RHCG: variants seen among roughly 807,000 people sequenced by gnomAD.
RHCG encodes ammonium transporter Rh type C.
Under a neutral mutation model 55.3 loss-of-function variants are expected in RHCG, and 39 were observed. That is an observed-to-expected ratio of 0.70 (90% CI 0.55 to 0.92). RHCG has a LOEUF of 0.92. Ranked by LOEUF, RHCG falls within the 40% of genes least tolerant of loss-of-function variation. RHCG has a pLI of 0.00. For missense variants in RHCG, 635 were observed against 627.9 expected (o/e 1.01, Z -0.12); for synonymous variants, 250 against 246.8 (o/e 1.01, Z -0.12).
At chr15:89,474,167 AAGAT>A (rs1213966136) in intron 9 of RHCG, among the ~76,000 whole-genome samples, 3 of 152,226 alleles carry the variant, frequency 2.0e-5, no homozygotes, top group East Asian at 1.9e-4. Context: ...GCAGAGAAAA[AAGAT>A]AGAAAGGAAA....
chr15:89,477,324 G>C lies in RHCG; in HGVS notation c.1113-118C>G. ...CTCAGCCTTCCCACCCACAACATGG[G>C]GACACCGGACATATCAGTTGGCCTC... On this transcript the variant is annotated intron_variant, in intron 7 of 10. Coordinates refer to ENST00000268122, the MANE Select transcript of RHCG (RefSeq NM_016321.3). This position sits in a 1 kb window ranked among gnomAD's most constrained non-coding sequence, Gnocchi z 4.5. 2.1e-6 allele frequency: 3 copies of C among 1,442,970 alleles called. No individual in the cohort carries two copies. Among genetic ancestry groups the C allele is most frequent in the Non-Finnish European group, 2.9e-6 (3 of 1,051,072 alleles). 89.4% of individuals were successfully genotyped at this position (1,442,970 alleles called of 1,614,324 possible).
chr15:89,488,776 G>C (rs78937475), intron 1 of RHCG, among the ~76,000 whole-genome samples: 36 of 122,722 alleles, frequency 2.9e-4, no homozygotes, highest in East Asian at 1.5e-3. Context: ...GGGAGAATGG[G>C]GGGGGGGGAG....
chr15:89,477,911 G>A lies in RHCG; in HGVS notation c.901C>T (p.Leu301Phe), dbSNP rs767795450. 3 of 1,613,896 alleles carry A rather than the reference G, an allele frequency of 1.9e-6. No individual in the cohort carries two copies. In the Admixed American group the frequency reaches 5.0e-5, roughly 27 times the overall value. The change falls in exon 6 of 11, where the codon CTC becomes TTC. Residue 301 changes from leucine to phenylalanine, a missense_variant. By Grantham distance (22) the Leu-to-Phe change is conservative. Coordinates refer to ENST00000268122, the MANE Select transcript of RHCG (RefSeq NM_016321.3). The surrounding 1 kb of genome is among the most constrained non-coding windows in gnomAD (Gnocchi z 4.5). The part of the protein sequence containing the change: ...VAVGTAAEMM[L>F]MPYGALIIGF... The stretch of plus-strand genomic sequence containing the variant: ...ATGATGAGGGCACCGTAAGGCATGA[G>A]CATCATCTCAGCAGCGGTACCCACG...
At position 89,477,033 on chromosome 15, in the gene RHCG, G is replaced by A; in HGVS notation, c.1237+49C>T. On this transcript the variant is annotated intron_variant, in intron 8 of 10. Coordinates refer to ENST00000268122, the MANE Select transcript of RHCG (RefSeq NM_016321.3). This position sits in a 1 kb window ranked among gnomAD's most constrained non-coding sequence, Gnocchi z 4.5. ...CATGCCCTTTGCTTCTCCACCCAGGGAGCCCCACAGCAGCACCCCCCTTCT... is the reference window on the plus strand; with the variant it reads ...CATGCCCTTTGCTTCTCCACCCAGGAAGCCCCACAGCAGCACCCCCCTTCT... 6.2e-7 allele frequency: 1 copy of A among 1,611,752 alleles called. No individual in the cohort carries two copies. The highest frequency in any genetic ancestry group is 2.2e-5 in the East Asian group (1 of 44,828).
At chr15:89,475,627 G>T (rs1961134307) in intron 9 of RHCG, among the ~76,000 whole-genome samples, 1 of 152,184 alleles carries the variant, frequency 6.6e-6, no homozygotes, top group Non-Finnish European at 1.5e-5. Flanking sequence ...GAACCTCTGG[G>T]GTGGTGCCTG....
At position 89,496,373 on chromosome 15, in the gene RHCG, A is replaced by G. The variant is rs1180832659; in HGVS notation, c.172T>C (p.Tyr58His). Residue 58 changes from tyrosine to histidine, a missense_variant, in exon 1 of 11, where the codon TAT (tyrosine) becomes CAT (histidine). Transcript: ENST00000268122. ...CGGCGAGACTTACTTGGGTAGCGAT[A>G]GTAGAATTCGTTCTCCATGTCGCTC... ...NLSDMENEFYYRYPSFQDVHV... is the reference protein window; with the variant it reads ...NLSDMENEFYHRYPSFQDVHV... 1.2e-6 allele frequency: 2 copies of G among 1,613,908 alleles called. No individual in the cohort carries two copies. Among genetic ancestry groups the G allele is most frequent in the South Asian group, 1.1e-5 (1 of 91,086 alleles).
intron 1 of RHCG, among the ~76,000 whole-genome samples, chr15:89,491,546 C>T (rs1408547331): frequency 6.6e-6 from 1 of 152,156 alleles, no homozygotes; most frequent in African/African-American, 2.4e-5. Context: ...GCAGGTGGTT[C>T]ACTTGAGGTC....
intron 9 of RHCG, among the ~76,000 whole-genome samples, chr15:89,473,413 C>T (rs1246604469): frequency 6.6e-6 from 1 of 152,154 alleles, no homozygotes; most frequent in African/African-American, 2.4e-5. Flanking sequence ...CTGGTCCAAT[C>T]CCCATCCTCT....
intron 2 of RHCG, chr15:89,486,474 G>A (rs1364737831): frequency 2.1e-6 from 1 of 469,426 alleles, no homozygotes; most frequent in Non-Finnish European, 4.2e-6. Context: ...TTTGTCGTAG[G>A]GGAAGGGAGA....
At chr15:89,493,164 G>A (rs139572052) in intron 1 of RHCG, among the ~76,000 whole-genome samples, 83 of 152,286 alleles carry the variant, frequency 5.5e-4, no homozygotes, top group Middle Eastern at 3.4e-3. Context: ...TGAAACCAGA[G>A]CTTCCTCCGC....
At chr15:89,476,715 C>A in intron 9 of RHCG, 40 bp downstream of exon 9, 1 of 1,552,846 alleles carries the variant, frequency 6.4e-7, no homozygotes, top group Non-Finnish European at 8.9e-7. Context: ...GGAGGGAACG[C>A]AGCTGCCCTC....
chr15:89,488,858 A>T (rs965964872), intron 1 of RHCG, among the ~76,000 whole-genome samples: 1 of 152,124 alleles, frequency 6.6e-6, no homozygotes, highest in Non-Finnish European at 1.5e-5. Flanking sequence ...TATTAATAAG[A>T]TATAAACAGG....
At chr15:89,493,057 T>C (rs977909985) in intron 1 of RHCG, among the ~76,000 whole-genome samples, 7 of 152,314 alleles carry the variant, frequency 4.6e-5, no homozygotes, top group Admixed American at 2.0e-4. Context: ...ATGGGATCTG[T>C]TTAATTCTAA....
chr15:89,473,023 G>A (rs1296881368), intron 9 of RHCG, among the ~76,000 whole-genome samples, 160 bp from the exon 10 acceptor site: 1 of 152,218 alleles, frequency 6.6e-6, no homozygotes, highest in Non-Finnish European at 1.5e-5. Context: ...CTTCAACACA[G>A]GAGTCCTGCC....
chr15:89,483,199 G>C lies in RHCG; in HGVS notation c.390C>G (p.Phe130Leu), dbSNP rs1348975424. The C allele has an allele frequency of 1.9e-6, 3 of 1,581,946 alleles. No individual in the cohort carries two copies. Among genetic ancestry groups the C allele is most frequent in the Non-Finnish European group, 2.6e-6 (3 of 1,154,118 alleles). Residue 130 changes from phenylalanine (F) to leucine (L), a missense_variant, in exon 3 of 11, where the codon TTC becomes TTG. By Grantham distance (22) the Phe-to-Leu change is conservative. Coordinates refer to ENST00000268122, the MANE Select transcript of RHCG (RefSeq NM_016321.3). ...AGGCCACGCAGACAGAGGCCACGCA[G>C]AAGTCAGCGTTGATGAGGCTGTGGG... is the stretch of plus-strand genomic sequence containing the variant. Reference protein sequence around the residue: ...VGVENLINADFCVASVCVAFG... With the variant: ...VGVENLINADLCVASVCVAFG...
chr15:89,490,657 G>A (rs1596408819), intron 1 of RHCG, among the ~76,000 whole-genome samples: 1 of 152,256 alleles, frequency 6.6e-6, no homozygotes. Context: ...TTCCAGAAGC[G>A]GGGAGGGGAG....
Position 89,479,334 on chromosome 15 carries a change from G to C in RHCG, c.825C>G (p.Gly275=), listed in dbSNP as rs1017774374. Residue 275 remains glycine (G), a synonymous_variant, in exon 5 of 11, where the codon GGC becomes GGG. Transcript: ENST00000268122. ...CCCTCATGCTCACCATGTCCAGCTT[G>C]CCCTTCTTGTGCAGGGCACTGGATA... ...VAISSALHKK[G]KLDMVHIQNA... 2 of 1,613,588 alleles carry C rather than the reference G, an allele frequency of 1.2e-6. No individual in the cohort carries two copies. Among genetic ancestry groups the C allele is most frequent in the African/African-American group, 2.7e-5 (2 of 74,932 alleles).
chr15:89,476,678 C>G, intron 9 of RHCG, 77 bp downstream of exon 9: 2 of 1,294,486 alleles, frequency 1.5e-6, no homozygotes, highest in Non-Finnish European at 2.2e-6. Context: ...TCCCCAGGCC[C>G]CAGCCCAGCT....
rs1012283276 is a variant in RHCG at position 89,472,785 on chromosome 15, GTACTGA to G, written c.1384_1389del (p.Ser462_Val463del). On this transcript the variant is annotated inframe_deletion, in exon 10 of 11. Coordinates refer to ENST00000268122, the MANE Select transcript of RHCG (RefSeq NM_016321.3). ...GCCATGGGTAGTGGGGACACCATGGGTACTGAGGGTACTGAGGGTCCTGAGGGCTTG... is the reference window on the plus strand; with the variant it reads ...GCCATGGGTAGTGGGGACACCATGGGGGGTACTGAGGGTCCTGAGGGCTTG... The G allele has an allele frequency of 2.6e-6, 4 of 1,564,686 alleles. No individual in the cohort carries two copies. The highest frequency in any genetic ancestry group is 1.4e-5 in the African/African-American group (1 of 73,284).
Sources: allele counts gnomAD v4.1 joint callset (sites outside exome capture counted in the v4.1 genomes callset), GRCh38; gene constraint gnomAD v4.1.1; non-coding constraint Gnocchi (gnomAD v3.1); transcripts MANE v1.5; gene names NCBI Gene and HGNC (gene_info 2026-07-23, HGNC 2026-07-21).